Variants in CCDC149 observed in about 807,000 individuals in gnomAD.
CCDC149 encodes the protein coiled-coil domain-containing protein 149.
Under a neutral mutation model 59.9 loss-of-function variants are expected in CCDC149, and 45 were observed. The observed-to-expected ratio is 0.75, with a 90% CI of 0.59 to 0.96. The LOEUF is 0.96. Among genes scored for constraint, CCDC149 ranks in the 40% least tolerant of loss-of-function variants. CCDC149 has a pLI of 0.00. For missense variants in CCDC149, 584 were observed against 664.7 expected (o/e 0.88, Z 1.33); for synonymous variants, 245 against 260.6 (o/e 0.94, Z 0.58).
intron 4 of CCDC149, among the ~76,000 whole-genome samples, chr4:24,851,128 C>T (rs1211414455): frequency 6.6e-6 from 1 of 152,146 alleles, no homozygotes; most frequent in Non-Finnish European, 1.5e-5. Flanking sequence ...GATAAATGTG[C>T]CCAGGTACTG....
intron 4 of CCDC149, among the ~76,000 whole-genome samples, chr4:24,852,285 CAT>C (rs776591507): frequency 0.063 from 5,152 of 81,134 alleles, 112 homozygotes; most frequent in Middle Eastern, 0.11. Context: ...TCCAACACAC[CAT>C]ACACACACAC....
intron 1 of CCDC149, among the ~76,000 whole-genome samples, chr4:24,930,097 T>G (rs569472899): frequency 2.0e-5 from 3 of 152,372 alleles, no homozygotes; most frequent in Admixed American, 2.0e-4. Flanking sequence ...TGACATTTAC[T>G]TGCCTGTTTT....
At chr4:24,826,633 C>T (rs1270619981) in intron 9 of CCDC149, among the ~76,000 whole-genome samples, 1 of 152,170 alleles carries the variant, frequency 6.6e-6, no homozygotes, top group East Asian at 1.9e-4. Flanking sequence ...AATGTGCCAC[C>T]TTGGAAGCCA....
chr4:24,813,843 G>A (rs1714834221), intron 12 of CCDC149, among the ~76,000 whole-genome samples: 1 of 152,194 alleles, frequency 6.6e-6, no homozygotes, highest in Non-Finnish European at 1.5e-5. Context: ...GGGACTTTAA[G>A]ACTAAAATGA....
chr4:24,947,181 C>T (rs1723135233), intron 1 of CCDC149, among the ~76,000 whole-genome samples: 1 of 152,114 alleles, frequency 6.6e-6, no homozygotes, highest in African/African-American at 2.4e-5. Context: ...GTGTCCCCAC[C>T]CAAATCTCAT....
intron 1 of CCDC149, among the ~76,000 whole-genome samples, chr4:24,894,693 A>G (rs997092222): frequency 6.6e-6 from 1 of 151,712 alleles, no homozygotes; most frequent in African/African-American, 2.4e-5. Flanking sequence ...AGTATGTTCG[A>G]AAGGGCATCT....
intron 4 of CCDC149, among the ~76,000 whole-genome samples, chr4:24,851,802 A>C (rs1717674714): frequency 1.3e-5 from 2 of 152,086 alleles, no homozygotes; most frequent in South Asian, 4.1e-4. Flanking sequence ...TTAATTATTG[A>C]CCAAACACCT....
downstream of CCDC149, among the ~76,000 whole-genome samples, chr4:24,804,333 A>G (rs563482955): frequency 2.0e-5 from 3 of 152,180 alleles, no homozygotes; most frequent in African/African-American, 7.2e-5. Context: ...TCTACTAAAA[A>G]TACAAAAATT....
intron 1 of CCDC149, among the ~76,000 whole-genome samples, chr4:24,977,314 T>C (rs1164609894): frequency 6.6e-6 from 1 of 152,144 alleles, no homozygotes; most frequent in South Asian, 2.1e-4. Flanking sequence ...CTATCTTGTG[T>C]GGAGATGCTG....
At chr4:24,942,445 G>A (rs1365293866) in intron 1 of CCDC149, among the ~76,000 whole-genome samples, 1 of 152,158 alleles carries the variant, frequency 6.6e-6, no homozygotes, top group Non-Finnish European at 1.5e-5. Context: ...ATATCATACT[G>A]AATGGACAAA....
chr4:24,861,192 G>A (rs972764887), intron 3 of CCDC149, among the ~76,000 whole-genome samples: 1 of 151,704 alleles, frequency 6.6e-6, no homozygotes, highest in Non-Finnish European at 1.5e-5. Context: ...ATTCACAATT[G>A]CAAAAATATA....
intron 1 of CCDC149, among the ~76,000 whole-genome samples, chr4:24,949,316 CTTCCGT>C (rs1723207379): frequency 6.6e-6 from 1 of 152,088 alleles, no homozygotes; most frequent in Non-Finnish European, 1.5e-5. Context: ...GTAGCTGGGG[CTTCCGT>C]GCACACAGTA....
At chr4:24,891,299 T>C (rs1292512794) in intron 1 of CCDC149, among the ~76,000 whole-genome samples, 1 of 152,202 alleles carries the variant, frequency 6.6e-6, no homozygotes, top group Non-Finnish European at 1.5e-5. Context: ...AACTAAATTG[T>C]AAACACTGCT....
chr4:24,970,474 T>C (rs1345706887), intron 1 of CCDC149, among the ~76,000 whole-genome samples: 6 of 152,100 alleles, frequency 3.9e-5, no homozygotes, highest in Admixed American at 3.3e-4. Context: ...GGCTGGCTAC[T>C]GGGGGGACGT....
chr4:24,950,301 A>C (rs1185510086), intron 1 of CCDC149, among the ~76,000 whole-genome samples: 1 of 152,234 alleles, frequency 6.6e-6, no homozygotes, highest in Non-Finnish European at 1.5e-5. Flanking sequence ...CAGCCTTCTC[A>C]TCTGTGAAGG....
chr4:24,949,471 G>A (rs951222678), intron 1 of CCDC149, among the ~76,000 whole-genome samples: 3 of 152,022 alleles, frequency 2.0e-5, no homozygotes, highest in Admixed American at 6.5e-5. Flanking sequence ...TCCCTCATCT[G>A]TCATTATTCA....
chr4:24,978,043 G>A (rs1046719359), intron 1 of CCDC149, among the ~76,000 whole-genome samples: 1 of 152,118 alleles, frequency 6.6e-6, no homozygotes, highest in Non-Finnish European at 1.5e-5. Flanking sequence ...GAGGCAGAAG[G>A]ATTGCTTGAA....
In CCDC149 at chr4:24,954,048, A is replaced by G. The variant is rs182195722; in HGVS notation, c.-65+26021T>C. 1.9e-3 allele frequency among the ~76,000 whole-genome samples: 295 copies of G among 152,310 alleles called. 7 individuals are homozygous for G. In the South Asian group the frequency reaches 0.048, roughly 25 times the overall value. On this transcript the variant is annotated intron_variant, in intron 1 of 12. Coordinates refer to the CCDC149 transcript ENST00000389609. ...AGTGAACAAAGCCTAAAGAACCTAT[A>G]GGACACATTGTGGAGGTCCCAGAAG...
intron 1 of CCDC149, among the ~76,000 whole-genome samples, chr4:24,968,331 G>A (rs191849734): frequency 4.3e-4 from 66 of 152,334 alleles, no homozygotes; most frequent in Non-Finnish European, 7.3e-5. Flanking sequence ...AGTGTGACAG[G>A]ATGGGCTGCA....
Sources: allele counts gnomAD v4.1 joint callset (sites outside exome capture counted in the v4.1 genomes callset), GRCh38; gene constraint gnomAD v4.1.1; transcripts MANE v1.5; gene names NCBI Gene and HGNC (gene_info 2026-07-23, HGNC 2026-07-21).